Variants in JPT2 observed in about 807,000 individuals in gnomAD.
The protein encoded by JPT2 is Jupiter microtubule associated homolog 2.
In JPT2, 9 loss-of-function variants were observed where a neutral mutation model predicts 15.9. The observed-to-expected ratio is 0.57, with a 90% CI of 0.34 to 0.99. JPT2 has a LOEUF of 0.99. Among genes scored for constraint, JPT2 ranks in the 50% least tolerant of loss-of-function variants. The probability of loss-of-function intolerance (pLI) is 0.02; values close to 1 mark genes in which losing one functional copy is unlikely to be tolerated. For synonymous variants in JPT2, 95 were observed against 91.7 expected (o/e 1.04, Z -0.21); for missense variants, 267 against 252.1 (o/e 1.06, Z -0.40).
chr16:1,690,650 T>A (rs1489275332), intron 2 of JPT2: 1 of 152,206 alleles, frequency 6.6e-6, no homozygotes, highest in Non-Finnish European at 1.5e-5. Context: ...ATTTCCCCAG[T>A]CCTGTTTCTT....
At chr16:1,688,652 T>C (rs2037084119) in intron 2 of JPT2, 1 of 152,288 alleles carries the variant, frequency 6.6e-6, no homozygotes, top group East Asian at 1.9e-4. Flanking sequence ...GGTGGGAGGA[T>C]TGCCTGAGCC....
intron 1 of JPT2, among the ~76,000 whole-genome samples, chr16:1,680,852 C>G (rs1337589678): frequency 2.0e-5 from 3 of 152,188 alleles, no homozygotes; most frequent in Non-Finnish European, 4.4e-5. Flanking sequence ...GTCCCCTCAT[C>G]CTTTCTGAAA....
intron 1 of JPT2, among the ~76,000 whole-genome samples, chr16:1,678,847 C>G (rs1201301962): frequency 6.6e-6 from 1 of 152,180 alleles, no homozygotes; most frequent in African/African-American, 2.4e-5. Flanking sequence ...GTGCGTGTGG[C>G]CGTGTGCCCG....
intron 1 of JPT2, among the ~76,000 whole-genome samples, chr16:1,678,995 C>T (rs1246151581): frequency 1.3e-5 from 2 of 152,262 alleles, no homozygotes; most frequent in Non-Finnish European, 2.9e-5. Flanking sequence ...GATGGCGCTC[C>T]TGGGCTTCGC....
intron 2 of JPT2, among the ~76,000 whole-genome samples, chr16:1,687,969 G>A (rs1051585458): frequency 2.6e-5 from 4 of 152,184 alleles, no homozygotes; most frequent in Non-Finnish European, 4.4e-5. Context: ...CATAGCCATC[G>A]AATGTTTATC....
intron 2 of JPT2, chr16:1,688,473 G>C (rs2037083105): frequency 6.6e-6 from 1 of 152,238 alleles, no homozygotes; most frequent in Non-Finnish European, 1.5e-5. Context: ...TTAAAATATG[G>C]ATAGATAGTT....
At chr16:1,695,211 G>C (rs1337228977) in intron 3 of JPT2, among the ~76,000 whole-genome samples, 1 of 152,126 alleles carries the variant, frequency 6.6e-6, no homozygotes, top group East Asian at 1.9e-4. Context: ...TTCGAGACCA[G>C]CCTGACCAAC....
chr16:1,689,092 A>G (rs1329381281), intron 2 of JPT2: 1 of 152,176 alleles, frequency 6.6e-6, no homozygotes, highest in Non-Finnish European at 1.5e-5. Flanking sequence ...CCTTGTAGTT[A>G]TTTGTGATAG....
chr16:1,699,053 C>T lies in JPT2; in HGVS notation c.*55C>T. The T allele has an allele frequency of 6.4e-7, 1 of 1,564,032 alleles. No homozygotes were observed. The highest frequency in any genetic ancestry group is 8.8e-7 in the Non-Finnish European group (1 of 1,139,750). The stretch of plus-strand genomic sequence containing the variant: ...CCAGAAACTCAAGAGATAGGGTAGC[C>T]ATGTTTTCATTTCCTTTTGCCCAAA... On this transcript the variant is annotated 3_prime_UTR_variant, in exon 5 of 5. Coordinates refer to ENST00000248098, the MANE Select transcript of JPT2 (RefSeq NM_144570.3).
Position 1,678,331 on chromosome 16 carries a change from A to G in JPT2, c.19A>G (p.Ser7Gly). The change falls in exon 1 of 5, where the codon AGC (serine) becomes GGC (glycine). Residue 7 changes from serine to glycine, a missense_variant. Coordinates refer to ENST00000248098, the MANE Select transcript of JPT2 (RefSeq NM_144570.3). MFQVPD[S>G]EGGRAGSRAM... ...GGTCGACATGTTCCAGGTCCCGGAT[A>G]GCGAGGGCGGCCGCGCCGGCTCCAG... 4 of 1,235,410 alleles carry G rather than the reference A, an allele frequency of 3.2e-6. No homozygotes were observed. The highest frequency in any genetic ancestry group is 3.2e-5 in the East Asian group (1 of 31,442). 76.5% of individuals were successfully genotyped at this position (1,235,410 alleles called of 1,614,324 possible).
rs556051334 is a variant in JPT2, at chr16:1,686,909, G to A, written c.193+1322G>A. On this transcript the variant is annotated intron_variant, in intron 2 of 4. Coordinates refer to ENST00000248098, the MANE Select transcript of JPT2 (RefSeq NM_144570.3). ...CCAGATCCACTCCCGACCTCACTCC[G>A]TTTTGGGGTACCAATATTTATTGAC... 4.6e-5 allele frequency among the ~76,000 whole-genome samples: 7 copies of A among 152,188 alleles called. No individual in the cohort carries two copies. In the South Asian group the frequency reaches 8.3e-4, roughly 18 times the overall value.
chr16:1,687,238 C>G (rs1036641228), intron 2 of JPT2, among the ~76,000 whole-genome samples: 1 of 152,182 alleles, frequency 6.6e-6, no homozygotes, highest in African/African-American at 2.4e-5. Flanking sequence ...CTGCCCACCT[C>G]GGCCTCTCAA....
chr16:1,693,647 A>G (rs2037120601), intron 3 of JPT2, among the ~76,000 whole-genome samples: 1 of 152,196 alleles, frequency 6.6e-6, no homozygotes, highest in Admixed American at 6.6e-5. Context: ...GTGGAAACAG[A>G]GTAGAGCTTT....
rs565957397 is a variant in JPT2, at chr16:1,680,770, A to G, written c.44+2414A>G. The stretch of plus-strand genomic sequence containing the variant: ...GCGATTAACCTGAGGTCTTCCTTCA[A>G]GCTGGAACATTTCTATTTGTAAGGA... On this transcript the variant is annotated intron_variant, in intron 1 of 4. Transcript: ENST00000248098. Among the ~76,000 whole-genome samples, 11 of 152,322 alleles carry G rather than the reference A, an allele frequency of 7.2e-5. No individual in the cohort carries two copies. The South Asian group carries it at 2.3e-3, about 32-fold the overall frequency.
intron 1 of JPT2, among the ~76,000 whole-genome samples, chr16:1,681,354 G>T (rs2037021748): frequency 6.6e-6 from 1 of 152,174 alleles, no homozygotes; most frequent in Non-Finnish European, 1.5e-5. Flanking sequence ...CTGGGCCTGT[G>T]TGCGCCATAA....
intron 1 of JPT2, among the ~76,000 whole-genome samples, chr16:1,682,672 C>CAA (rs531013322): frequency 6.1e-5 from 7 of 115,410 alleles, no homozygotes; most frequent in Non-Finnish European, 5.6e-5. Context: ...GATTTCGTCT[C>CAA]AAAAAAAAAA....
chr16:1,702,369 A>T (rs1000339537), downstream of JPT2: 26 of 314,488 alleles, frequency 8.3e-5, no homozygotes, highest in East Asian at 1.5e-4. Flanking sequence ...TCCTATTTCT[A>T]GCAGCTGCCA....
At chr16:1,692,156 C>T (rs2037108102) in intron 3 of JPT2, 171 bp downstream of exon 3, 2 of 837,396 alleles carry the variant, frequency 2.4e-6, no homozygotes, top group Admixed American at 5.3e-5. Context: ...CTGAGTCACC[C>T]AGGAAACAGT....
At chr16:1,692,888 G>A (rs2142227652) in intron 3 of JPT2, among the ~76,000 whole-genome samples, 1 of 152,244 alleles carries the variant, frequency 6.6e-6, no homozygotes, top group African/African-American at 2.4e-5. Flanking sequence ...TGGTTTATAT[G>A]CTGGAAGATG....
Sources: gnomAD v4.1 joint callset for allele counts (sites outside exome capture counted in the v4.1 genomes callset) on GRCh38, gnomAD v4.1.1 for gene constraint, MANE v1.5 for transcripts, NCBI Gene and HGNC (gene_info 2026-07-23, HGNC 2026-07-21) for gene names.